Variants in WDFY1 observed in about 807,000 individuals in gnomAD.
The protein encoded by WDFY1 is WD repeat and FYVE domain-containing protein 1.
In WDFY1, 32 loss-of-function variants were observed where a neutral mutation model predicts 56.4. The ratio of observed to expected loss-of-function variants is 0.57; its 90% confidence interval spans 0.43 to 0.76. The LOEUF is 0.76. Ranked by LOEUF, WDFY1 falls within the 30% of genes least tolerant of loss-of-function variation. WDFY1 has a pLI of 0.00. For synonymous variants in WDFY1, 192 were observed against 197.3 expected, an observed-to-expected ratio of 0.97 and a Z score of 0.23; for missense variants, 480 against 545.7, an observed-to-expected ratio of 0.88 and a Z score of 1.20.
chr2:223,932,562 A>G (rs1185346730), intron 1 of WDFY1, among the ~76,000 whole-genome samples: 2 of 152,150 alleles, frequency 1.3e-5, no homozygotes, highest in African/African-American at 4.8e-5. Context: ...ACTTTCTCAA[A>G]AACACACCCT....
intron 9 of WDFY1, 64 bp downstream of exon 9, chr2:223,884,584 G>A: frequency 6.7e-7 from 1 of 1,495,756 alleles, no homozygotes; most frequent in Non-Finnish European, 9.3e-7. Context: ...AAAAACCCCA[G>A]ATTAAGTATG....
chr2:223,939,755 T>C (rs1689267644), intron 1 of WDFY1, among the ~76,000 whole-genome samples: 1 of 152,146 alleles, frequency 6.6e-6, no homozygotes, highest in African/African-American at 2.4e-5. Context: ...ATGGGAATTA[T>C]GGGAGCTACA....
chr2:223,900,959 G>A (rs767326297), intron 5 of WDFY1: 15 of 471,386 alleles, frequency 3.2e-5, no homozygotes, highest in Non-Finnish European at 4.0e-5. Context: ...GCAAACTTAC[G>A]GAAGTTCTCG....
chr2:223,938,854 G>GTGT (rs1455130195), intron 1 of WDFY1, among the ~76,000 whole-genome samples: 1 of 50,314 alleles, frequency 2.0e-5, no homozygotes, highest in African/African-American at 6.7e-5. Context: ...AATGTAAGCA[G>GTGT]TATTTTTTTT....
In WDFY1 at chr2:223,877,307, T is replaced by G. The variant is rs1692988296; in HGVS notation, c.*1364A>C. 1.3e-5 allele frequency: 2 copies of G among 150,178 alleles called. No homozygotes were observed. The highest frequency in any genetic ancestry group is 1.9e-4 in the East Asian group (1 of 5,172). The allele number at this position is 150,178 out of a possible 1,614,324, so 9.3% of individuals were successfully genotyped here. ...CAACACAGTGATGCAGTACTGAGGT[T>G]TTTTTTTTTTAATCAATATCTATTA... On this transcript the variant is annotated 3_prime_UTR_variant, in exon 12 of 12. Transcript: ENST00000233055.
chr2:223,937,498 GGTTTAA>G (rs1427111809), intron 1 of WDFY1, among the ~76,000 whole-genome samples: 1 of 152,096 alleles, frequency 6.6e-6, no homozygotes, highest in African/African-American at 2.4e-5. Flanking sequence ...TGTTCCACGT[GGTTTAA>G]TTCACCTAAT....
chr2:223,932,117 C>CTTTTTTTTTTTTTT (rs35246074), intron 1 of WDFY1, among the ~76,000 whole-genome samples: 2 of 93,984 alleles, frequency 2.1e-5, no homozygotes, highest in Non-Finnish European at 3.9e-5. Context: ...GTATGAGTAC[C>CTTTTTTTTTTTTTT]TTTTTTTTTT....
At chr2:223,944,184 T>C (rs1689362045) in intron 1 of WDFY1, among the ~76,000 whole-genome samples, 1 of 152,170 alleles carries the variant, frequency 6.6e-6, no homozygotes. Context: ...GTGAAATCCC[T>C]GAGTACAGGG....
At chr2:223,935,823 A>G (rs1473035588) in intron 1 of WDFY1, among the ~76,000 whole-genome samples, 2 of 152,174 alleles carry the variant, frequency 1.3e-5, no homozygotes, top group African/African-American at 4.8e-5. Flanking sequence ...GAATTATTCA[A>G]TGGAGGAGGT....
chr2:223,903,467 G>A (rs1349095077), intron 4 of WDFY1, among the ~76,000 whole-genome samples: 9 of 151,568 alleles, frequency 5.9e-5, no homozygotes, highest in Admixed American at 5.3e-4. Context: ...AGGTTGCAGT[G>A]AGCCAAGATC....
chr2:223,905,927 A>G lies in WDFY1; in HGVS notation c.334+20T>C. The G allele has an allele frequency of 6.6e-7, 1 of 1,521,372 alleles. No homozygotes were observed. Among genetic ancestry groups the G allele is most frequent in the Non-Finnish European group, 8.9e-7 (1 of 1,126,788 alleles). 94.2% of individuals were successfully genotyped at this position (1,521,372 alleles called of 1,614,324 possible). Reference sequence around the variant, plus strand: ...ATGTCTACATGTATGTGTACGCAAGATAATGTGTATTATAATTACCTGGGT... The same window carrying G: ...ATGTCTACATGTATGTGTACGCAAGGTAATGTGTATTATAATTACCTGGGT... On this transcript the variant is annotated intron_variant, in intron 4 of 11. Coordinates refer to ENST00000233055, the MANE Select transcript of WDFY1 (RefSeq NM_020830.5).
chr2:223,923,074 T>A (rs1016687502), intron 1 of WDFY1, among the ~76,000 whole-genome samples: 5 of 152,234 alleles, frequency 3.3e-5, no homozygotes, highest in Non-Finnish European at 7.3e-5. Context: ...GCCCTCCTTG[T>A]CTGGGAATCA....
At chr2:223,897,390 A>ATATATTTTTTTT (rs1461451983) in intron 6 of WDFY1, among the ~76,000 whole-genome samples, 6 of 125,988 alleles carry the variant, frequency 4.8e-5, no homozygotes, top group East Asian at 2.3e-4. Flanking sequence ...ATATATATAT[A>ATATATTTTTTTT]TTTTTTAAGA....
intron 1 of WDFY1, among the ~76,000 whole-genome samples, chr2:223,926,409 G>T (rs1416642662): frequency 6.6e-6 from 1 of 152,110 alleles, no homozygotes; most frequent in Non-Finnish European, 1.5e-5. Context: ...GAGACTACAA[G>T]CATGAGCCAG....
chr2:223,927,875 G>A (rs1381612795), intron 1 of WDFY1, among the ~76,000 whole-genome samples: 2 of 152,064 alleles, frequency 1.3e-5, no homozygotes, highest in Non-Finnish European at 2.9e-5. Flanking sequence ...TTATTCACTG[G>A]CCTAATTTCA....
intron 1 of WDFY1, among the ~76,000 whole-genome samples, chr2:223,925,397 T>C (rs940398813): frequency 6.6e-6 from 1 of 152,160 alleles, no homozygotes; most frequent in African/African-American, 2.4e-5. Context: ...TAAAAATCAA[T>C]GTACATACCT....
At position 223,917,889 on chromosome 2, in the gene WDFY1, A is replaced by G. The variant is rs17838658; in HGVS notation, c.205+54T>C. 7,701 of 1,603,054 alleles carry G rather than the reference A, an allele frequency of 4.8e-3. 311 individuals are homozygous for G. The Admixed American group carries it at 0.083, about 17-fold the overall frequency. ...GCTCAGCCGACATTTTGAAATTTAAATCATCAAAAACATTAGAGACATTTC... is the reference window on the plus strand; with the variant it reads ...GCTCAGCCGACATTTTGAAATTTAAGTCATCAAAAACATTAGAGACATTTC... On this transcript the variant is annotated intron_variant, in intron 2 of 11. Transcript: ENST00000233055.
chr2:223,880,939 G>A (rs867543455), intron 10 of WDFY1, among the ~76,000 whole-genome samples: 2 of 152,144 alleles, frequency 1.3e-5, no homozygotes, highest in African/African-American at 4.8e-5. Context: ...TACAGCACCC[G>A]CTTCAAAGCC....
At position 223,916,867 on chromosome 2, in the gene WDFY1, T is replaced by G. The variant is rs1180154900; in HGVS notation, c.205+1076A>C. On this transcript the variant is annotated intron_variant, in intron 2 of 11. Transcript: ENST00000233055. Reference sequence around the variant, plus strand: ...TTCGCTCTTGTTGCCCAGGCTGGAGTGCAGTGGTGTGATTTCAGCTCACCA... The same window carrying G: ...TTCGCTCTTGTTGCCCAGGCTGGAGGGCAGTGGTGTGATTTCAGCTCACCA... Among the ~76,000 whole-genome samples the G allele has an allele frequency of 2.7e-5, 4 of 149,496 alleles. No homozygotes were observed. The East Asian group carries it at 7.9e-4, about 30-fold the overall frequency.
Sources: gnomAD v4.1 joint callset for allele counts (sites outside exome capture counted in the v4.1 genomes callset) on GRCh38, gnomAD v4.1.1 for gene constraint, MANE v1.5 for transcripts, NCBI Gene and HGNC (gene_info 2026-07-23, HGNC 2026-07-21) for gene names.